The following ZIC1 variants were observed in gnomAD, a reference collection of about 807,000 sequenced individuals.
The protein encoded by ZIC1 is zinc finger protein ZIC 1.
ZIC1 carries 4 observed loss-of-function variants against 30.9 expected under a neutral mutation model. The ratio of observed to expected loss-of-function variants is 0.13; its 90% CI spans 0.06 to 0.30. The LOEUF is 0.30. Ranked by LOEUF, ZIC1 falls within the 10% of genes least tolerant of loss-of-function variation. ZIC1 has a pLI of 1.00. For missense variants in ZIC1, 441 were observed against 639.3 expected (o/e 0.69, Z 3.34); for synonymous variants, 305 against 277.5 (o/e 1.10, Z -0.98).
At chr3:147,412,377 G>C in intron 1 of ZIC1, 141 bp from the exon 2 acceptor site, 1 of 890,176 alleles carries the variant, frequency 1.1e-6, no homozygotes, top group Non-Finnish European at 1.7e-6. Context: ...ATTTATTGAC[G>C]TTCCGGGTTT....
Position 147,410,120 on chromosome 3 carries a change from T to A in ZIC1, c.8T>A (p.Leu3Gln). 3 of 1,554,080 alleles carry A rather than the reference T, an allele frequency of 1.9e-6. No individual in the cohort carries two copies. The highest frequency in any genetic ancestry group is 2.6e-6 in the Non-Finnish European group (3 of 1,158,576). ML[L>Q]DAGPQYPAIG... is the part of the protein sequence containing the mutation. ...TCGCCCCGAGCAGCCACGATGCTCC[T>A]GGACGCCGGCCCCCAGTACCCAGCG... Residue 3 changes from leucine (L) to glutamine (Q), a missense_variant, in exon 1 of 3, where the codon CTG becomes CAG. By Grantham distance (113) the Leu-to-Gln change is moderately radical (BLOSUM62 -2). Coordinates refer to ENST00000282928, the MANE Select transcript of ZIC1 (RefSeq NM_003412.4).
At chr3:147,411,184 C>T (rs752061039) in intron 1 of ZIC1, 90 bp downstream of exon 1, 16 of 1,508,950 alleles carry the variant, frequency 1.1e-5, no homozygotes, top group Non-Finnish European at 1.3e-5. Flanking sequence ...CAAACGCAGC[C>T]TCGGTGGGAT....
At chr3:147,411,700 G>T (rs1267343860) in intron 1 of ZIC1, among the ~76,000 whole-genome samples, 2 of 152,132 alleles carry the variant, frequency 1.3e-5, no homozygotes, top group Non-Finnish European at 2.9e-5. Flanking sequence ...GTGGGTTTGA[G>T]GGGTGGAGAA....
chr3:147,411,121 C>G (rs1277604873), intron 1 of ZIC1, 27 bp downstream of exon 1: 1 of 1,590,900 alleles, frequency 6.3e-7, no homozygotes, highest in Non-Finnish European at 8.6e-7. Context: ...AGGACCCCTA[C>G]CCATTCCCAC....
Position 147,410,316 on chromosome 3 carries a change from G to T in ZIC1, c.204G>T (p.Ala68=), listed in dbSNP as rs760714413. ...GCCAGACGGCCTTCACGTCGCAGGC[G>T]CCAGGCTACGCGGCTGCTGCGGCCC... ...SAGQTAFTSQ[A]PGYAAAAALG... Residue 68 remains alanine (A), a synonymous_variant, in exon 1 of 3, where the codon GCG becomes GCT. Coordinates refer to ENST00000282928, the MANE Select transcript of ZIC1 (RefSeq NM_003412.4). 18 of 1,599,506 alleles carry T rather than the reference G, an allele frequency of 1.1e-5. No homozygotes were observed. The highest frequency in any genetic ancestry group is 3.3e-5 in the Admixed American group (2 of 59,912).
Position 147,410,012 on chromosome 3 carries a change from TTCC to T in ZIC1, c.-92_-90del. On this transcript the variant is annotated 5_prime_UTR_variant, in exon 1 of 3. Transcript: ENST00000282928. ...CTCCCTCCTCCTCTTCTTCCTCCTC[TTCC>T]TCCTCCTCTTGTTCCTCCTCCTCCT... 7.9e-7 allele frequency: 1 copy of T among 1,270,274 alleles called. No homozygotes were observed. Among genetic ancestry groups the T allele is most frequent in the Non-Finnish European group, 1.0e-6 (1 of 964,088 alleles). 78.7% of individuals were successfully genotyped at this position (1,270,274 alleles called of 1,614,324 possible). A position where few individuals can be genotyped will look rare whatever the true frequency, so the allele number is the denominator to read the frequency against.
At position 147,412,805 on chromosome 3, in the gene ZIC1, C is replaced by T; in HGVS notation, c.1146+124C>T. 3 of 1,247,304 alleles carry T rather than the reference C, an allele frequency of 2.4e-6. No individual in the cohort carries two copies. The Admixed American group carries it at 7.2e-5, about 30-fold the overall frequency. 77.3% of individuals were successfully genotyped at this position (1,247,304 alleles called of 1,614,324 possible). A position where few individuals can be genotyped will look rare whatever the true frequency, so the allele number is the denominator to read the frequency against. On this transcript the variant is annotated intron_variant, in intron 2 of 2. Transcript: ENST00000282928. ...CAGAGGAAGCGGGAAGGCAAAGGTTCCACTCAGTGGAACTGGGCAGAGAAG... is the reference window on the plus strand; with the variant it reads ...CAGAGGAAGCGGGAAGGCAAAGGTTTCACTCAGTGGAACTGGGCAGAGAAG...
Position 147,410,268 on chromosome 3 carries a change from T to C in ZIC1, c.156T>C (p.Ser52=). The change falls in exon 1 of 3, where the codon AGT becomes AGC. Residue 52 remains serine, a synonymous_variant. Coordinates refer to ENST00000282928, the MANE Select transcript of ZIC1 (RefSeq NM_003412.4). The stretch of plus-strand genomic sequence containing the variant: ...TGGGCGCCTTCAAGCTCAACCCCAG[T>C]TCGCACGAGCTGGCTTCGGCCGGCC... ...DGMGAFKLNP[S]SHELASAGQT... 6.2e-7 allele frequency: 1 copy of C among 1,600,814 alleles called. No homozygotes were observed. Among genetic ancestry groups the C allele is most frequent in the Non-Finnish European group, 8.5e-7 (1 of 1,179,658 alleles).
Position 147,415,642 on chromosome 3 carries a change from T to C in ZIC1, c.*2091T>C, listed in dbSNP as rs1208611327. 2 of 152,518 alleles carry C rather than the reference T, an allele frequency of 1.3e-5. No individual in the cohort carries two copies. The highest frequency in any genetic ancestry group is 6.5e-5 in the Admixed American group (1 of 15,284). The allele number at this position is 152,518 out of a possible 1,614,324, so 9.4% of individuals were successfully genotyped here. A position where few individuals can be genotyped will look rare whatever the true frequency, so the allele number is the denominator to read the frequency against. ...CACTGGGCAAGGGTGGCCATGGACC[T>C]GATTCTTTAATGCACTCTATGTGTT... On this transcript the variant is annotated 3_prime_UTR_variant, in exon 3 of 3. Coordinates refer to ENST00000282928, the MANE Select transcript of ZIC1 (RefSeq NM_003412.4).
Position 147,413,555 on chromosome 3 carries a change from CA to C in ZIC1, c.*5del. Reference sequence around the variant, plus strand: ...TTTTAACGAATGGTACGTTTAAAATCAGAAACAAAACATCGAACAAAACCCT... The same window carrying C: ...TTTTAACGAATGGTACGTTTAAAATCGAAACAAAACATCGAACAAAACCCT... On this transcript the variant is annotated 3_prime_UTR_variant, in exon 3 of 3. Transcript: ENST00000282928. 6.2e-7 allele frequency: 1 copy of C among 1,613,818 alleles called. No individual in the cohort carries two copies. The highest frequency in any genetic ancestry group is 8.5e-7 in the Non-Finnish European group (1 of 1,179,850).
Position 147,413,741 on chromosome 3 carries a change from C to A in ZIC1, c.*190C>A. ...CATCAACCTTTTAAAAATTTCCTTT[C>A]GCTTTCATTATTTTTCTTTTTTTGG... On this transcript the variant is annotated 3_prime_UTR_variant, in exon 3 of 3. Coordinates refer to ENST00000282928, the MANE Select transcript of ZIC1 (RefSeq NM_003412.4). 1.5e-6 allele frequency: 1 copy of A among 658,184 alleles called. No homozygotes were observed. Among genetic ancestry groups the A allele is most frequent in the Non-Finnish European group, 2.3e-6 (1 of 443,192 alleles). 40.8% of individuals were successfully genotyped at this position (658,184 alleles called of 1,614,324 possible).
At chr3:147,412,764 A>AGGCGGTG in intron 2 of ZIC1, 83 bp downstream of exon 2, 2 of 1,532,468 alleles carry the variant, frequency 1.3e-6, no homozygotes, top group Non-Finnish European at 1.8e-6. Flanking sequence ...AGTGGCAGAC[A>AGGCGGTG]GGCGGTGGCG....
Position 147,410,943 on chromosome 3 carries a change from G to A in ZIC1, c.831G>A (p.Pro277=), listed in dbSNP as rs745710668. ...SNHICFWEEC[P]REGKPFKAKY... ...ACATCTGCTTCTGGGAGGAGTGTCC[G>A]CGCGAGGGCAAGCCCTTCAAAGCCA... The change falls in exon 1 of 3, where the codon CCG becomes CCA. Residue 277 remains proline, a synonymous_variant. Transcript: ENST00000282928. The A allele has an allele frequency of 1.2e-6, 2 of 1,614,260 alleles. No individual in the cohort carries two copies. Among genetic ancestry groups the A allele is most frequent in the South Asian group, 2.2e-5 (2 of 91,092 alleles).
At position 147,416,021 on chromosome 3, in the gene ZIC1, G is replaced by T. The variant is rs1002184409; in HGVS notation, c.*2470G>T. 2.0e-5 allele frequency: 3 copies of T among 152,130 alleles called. No homozygotes were observed. Among genetic ancestry groups the T allele is most frequent in the Non-Finnish European group, 4.4e-5 (3 of 68,020 alleles). The allele number at this position is 152,130 out of a possible 1,614,324, so 9.4% of individuals were successfully genotyped here. On this transcript the variant is annotated 3_prime_UTR_variant, in exon 3 of 3. Coordinates refer to ENST00000282928, the MANE Select transcript of ZIC1 (RefSeq NM_003412.4). ...TATTGGCTTTTTTCATGAAAAGAGC[G>T]CCACCTTGCAAGGTTTAGTGAGATT...
At chr3:147,411,286 C>T (rs1021244399) in intron 1 of ZIC1, among the ~76,000 whole-genome samples, 192 bp downstream of exon 1, 1 of 149,126 alleles carries the variant, frequency 6.7e-6, no homozygotes. Context: ...CACACACACA[C>T]AGGGCGGACG....
Position 147,415,351 on chromosome 3 carries a change from T to C in ZIC1, c.*1800T>C, listed in dbSNP as rs149995509. 9 of 152,806 alleles carry C rather than the reference T, an allele frequency of 5.9e-5. No homozygotes were observed. The East Asian group carries it at 1.7e-3, about 29-fold the overall frequency. The allele number at this position is 152,806 out of a possible 1,614,324, so 9.5% of individuals were successfully genotyped here. ...GTAAATGAGGAGACAATATAAAAAATCTAAATTACTTGTGCTTAATGACTG... is the reference window on the plus strand; with the variant it reads ...GTAAATGAGGAGACAATATAAAAAACCTAAATTACTTGTGCTTAATGACTG... On this transcript the variant is annotated 3_prime_UTR_variant, in exon 3 of 3. Transcript: ENST00000282928.
rs2087417033 is a variant in ZIC1 at position 147,414,596 on chromosome 3, A to G, written c.*1045A>G. 1 of 152,672 alleles carries G rather than the reference A, an allele frequency of 6.5e-6. No homozygotes were observed. 9.5% of individuals were successfully genotyped at this position (152,672 alleles called of 1,614,324 possible). A position where few individuals can be genotyped will look rare whatever the true frequency, so the allele number is the denominator to read the frequency against. On this transcript the variant is annotated 3_prime_UTR_variant, in exon 3 of 3. Coordinates refer to ENST00000282928, the MANE Select transcript of ZIC1 (RefSeq NM_003412.4). ...GGTAGGAATTTCTTCTTCACCCACC[A>G]GCAACCTGCTGCCTCTTCTGCCAGT...
chr3:147,413,991 T>A lies in ZIC1; in HGVS notation c.*440T>A. 1 of 119,676 alleles carries A rather than the reference T, an allele frequency of 8.4e-6. No individual in the cohort carries two copies. The highest frequency in any genetic ancestry group is 1.7e-5 in the Non-Finnish European group (1 of 59,404). The allele number at this position is 119,676 out of a possible 1,614,324, so 7.4% of individuals were successfully genotyped here. ...TCTCGGTTGGAGCGGGTGGGTGGGATTGTGGCGTTGTGGTCTTTGCATTGG... is the reference window on the plus strand; with the variant it reads ...TCTCGGTTGGAGCGGGTGGGTGGGAATGTGGCGTTGTGGTCTTTGCATTGG... On this transcript the variant is annotated 3_prime_UTR_variant, in exon 3 of 3. Transcript: ENST00000282928.
At position 147,414,452 on chromosome 3, in the gene ZIC1, A is replaced by G. The variant is rs1352049507; in HGVS notation, c.*901A>G. 5.9e-5 allele frequency: 9 copies of G among 152,686 alleles called. No individual in the cohort carries two copies. Among genetic ancestry groups the G allele is most frequent in the African/African-American group, 1.9e-4 (8 of 41,466 alleles). The allele number at this position is 152,686 out of a possible 1,614,324, so 9.5% of individuals were successfully genotyped here. On this transcript the variant is annotated 3_prime_UTR_variant, in exon 3 of 3. Coordinates refer to ENST00000282928, the MANE Select transcript of ZIC1 (RefSeq NM_003412.4). ...TTATCCGCATGTAAAGGGCCGGTTT[A>G]TCCATGTTACAGCTCTTCAATATTT... is the stretch of plus-strand genomic sequence containing the variant.
Sources: allele counts gnomAD v4.1 joint callset (sites outside exome capture counted in the v4.1 genomes callset), GRCh38; gene constraint gnomAD v4.1.1; transcripts MANE v1.5; gene names NCBI Gene and HGNC (gene_info 2026-07-23, HGNC 2026-07-21).